Variants in ST6GALNAC1 observed in about 807,000 individuals in gnomAD.
ST6GALNAC1 encodes alpha-N-acetylgalactosaminide alpha-2,6-sialyltransferase 1.
A neutral mutation model predicts 56.8 loss-of-function variants in ST6GALNAC1; 45 were observed. The ratio of observed to expected loss-of-function variants is 0.79; its 90% CI spans 0.62 to 1.02. The LOEUF (loss-of-function observed/expected upper bound fraction) is 1.02. Ranked by LOEUF, ST6GALNAC1 falls within the 50% of genes least tolerant of loss-of-function variation. ST6GALNAC1 has a pLI of 0.00. For missense variants in ST6GALNAC1, 743 were observed against 754.8 expected (o/e 0.98, Z 0.18); for synonymous variants, 295 against 297.8 (o/e 0.99, Z 0.10).
At chr17:76,637,747 G>A (rs995936190) in intron 1 of ST6GALNAC1, 4 of 398,838 alleles carry the variant, frequency 1.0e-5, no homozygotes, top group Non-Finnish European at 1.8e-5. Context: ...CTGCAGAGGG[G>A]CAAGAAGAGC....
At chr17:76,624,189 C>T (rs1387999377), downstream of ST6GALNAC1, among the ~76,000 whole-genome samples, 3 of 152,206 alleles carry the variant, frequency 2.0e-5, no homozygotes, top group African/African-American at 4.8e-5. Context: ...CTCCCTTCCA[C>T]TCTCCTACCG....
intron 1 of ST6GALNAC1, chr17:76,641,860 G>A (rs559785952): frequency 1.4e-4 from 22 of 152,138 alleles, no homozygotes; most frequent in Admixed American, 7.2e-4. Context: ...TGTATGTCCC[G>A]ACATGGAAAG....
the ST6GALNAC1 span, among the ~76,000 whole-genome samples, chr17:76,619,740 G>GTTTTTTTTTTTTTTTTTTTTTTTT: frequency 3.9e-5 from 4 of 101,586 alleles, no homozygotes; most frequent in African/African-American, 1.6e-4. Flanking sequence ...AATAATGTTA[G>GTTTTTTTTTTTTTTTTTTTTTTTT]TTTTTTTTTT....
chr17:76,632,111 C>G (rs142536522), intron 1 of ST6GALNAC1, among the ~76,000 whole-genome samples: 2 of 152,172 alleles, frequency 1.3e-5, no homozygotes, highest in South Asian at 2.1e-4. Context: ...GTTTAACAAA[C>G]AGCTCTTGTT....
intron 1 of ST6GALNAC1, chr17:76,633,725 C>G (rs2075939758): frequency 6.6e-6 from 1 of 152,182 alleles, no homozygotes. Flanking sequence ...AGTCTCCTGC[C>G]TTGGCCTCCT....
intron 1 of ST6GALNAC1, chr17:76,641,780 A>G (rs1007679198): frequency 2.0e-5 from 3 of 152,208 alleles, no homozygotes; most frequent in African/African-American, 7.2e-5. Flanking sequence ...GAAACTTGAT[A>G]GGGGTTGGTT....
intron 1 of ST6GALNAC1, among the ~76,000 whole-genome samples, chr17:76,636,305 C>A (rs1469042457): frequency 2.0e-5 from 3 of 152,082 alleles, no homozygotes; most frequent in Non-Finnish European, 4.4e-5. Context: ...TGAAACAGAT[C>A]AATCTTGGAG....
rs780085500 is a variant in ST6GALNAC1, at chr17:76,627,372, G to A, written c.1000+43C>T. The A allele has an allele frequency of 9.5e-6, 15 of 1,572,824 alleles. No individual in the cohort carries two copies. Among genetic ancestry groups the A allele is most frequent in the East Asian group, 4.5e-5 (2 of 44,842 alleles). ...CCAGCTGCCCTCTGCCCTCTGCCCC[G>A]GCCTACTGCGCACCCACACCTTCCC... On this transcript the variant is annotated intron_variant, in intron 3 of 8. Coordinates refer to ENST00000156626, the MANE Select transcript of ST6GALNAC1 (RefSeq NM_018414.5). The surrounding 1 kb of genome is among the most constrained non-coding windows in gnomAD (Gnocchi z 4.4).
At chr17:76,639,879 T>C (rs1222414043) in intron 1 of ST6GALNAC1, among the ~76,000 whole-genome samples, 1 of 151,900 alleles carries the variant, frequency 6.6e-6, no homozygotes, top group East Asian at 1.9e-4. Flanking sequence ...AACTCCTCTT[T>C]TTTCAAGTCG....
intron 1 of ST6GALNAC1, among the ~76,000 whole-genome samples, chr17:76,632,946 C>A (rs2075925041): frequency 6.6e-6 from 1 of 152,216 alleles, no homozygotes. Flanking sequence ...TGGCTCATGC[C>A]TATAGAGCCA....
At chr17:76,623,926 C>T (rs1467730418), downstream of ST6GALNAC1, among the ~76,000 whole-genome samples, 1 of 152,246 alleles carries the variant, frequency 6.6e-6, no homozygotes, top group East Asian at 1.9e-4. Context: ...CTCTCCTGCT[C>T]TGACCTGATG....
At chr17:76,618,956 TTTTC>T in the ST6GALNAC1 span, among the ~76,000 whole-genome samples, 1 of 151,954 alleles carries the variant, frequency 6.6e-6, no homozygotes, top group Non-Finnish European at 1.5e-5. Context: ...AAGAAAAAGA[TTTTC>T]TTTCTTATGT....
chr17:76,643,149 G>A (rs1168804880), intron 1 of ST6GALNAC1, among the ~76,000 whole-genome samples: 4 of 152,174 alleles, frequency 2.6e-5, no homozygotes, highest in African/African-American at 9.7e-5. Flanking sequence ...GTAGAGAATG[G>A]CATGTAAGAA....
intron 2 of ST6GALNAC1, 93 bp downstream of exon 2, chr17:76,628,919 G>T: frequency 8.5e-7 from 1 of 1,169,768 alleles, no homozygotes; most frequent in Non-Finnish European, 1.2e-6. Flanking sequence ...TAGAAGCAGA[G>T]CCCAGGAGGT....
chr17:76,622,605 G>A (rs905634540), downstream of ST6GALNAC1, among the ~76,000 whole-genome samples: 2 of 151,708 alleles, frequency 1.3e-5, no homozygotes, highest in Non-Finnish European at 2.9e-5. Context: ...CCTCATGATC[G>A]GCCCACCTTG....
chr17:76,621,533 T>C (rs1000541746), downstream of ST6GALNAC1, among the ~76,000 whole-genome samples: 3 of 151,930 alleles, frequency 2.0e-5, no homozygotes, highest in African/African-American at 4.8e-5. Flanking sequence ...TAGAGTGCAG[T>C]GGCATGATCT....
intron 5 of ST6GALNAC1, 46 bp downstream of exon 5, chr17:76,626,605 C>G (rs766066705): frequency 1.9e-6 from 3 of 1,612,810 alleles, no homozygotes. Flanking sequence ...CCTGTGCTCC[C>G]TCATCCAGAG....
intron 1 of ST6GALNAC1, among the ~76,000 whole-genome samples, chr17:76,641,116 A>C (rs1405938871): frequency 6.6e-6 from 1 of 152,190 alleles, no homozygotes; most frequent in African/African-American, 2.4e-5. Context: ...TTTTTCCTTG[A>C]AAAGTAAGAA....
downstream of ST6GALNAC1, among the ~76,000 whole-genome samples, chr17:76,621,203 A>AGATGGAG (rs2075737391): frequency 1.4e-4 from 2 of 14,294 alleles, no homozygotes; most frequent in Non-Finnish European, 3.6e-4. Flanking sequence ...TTTTTTTTTG[A>AGATGGAG]GATGGAGTCT....
Sources: allele counts gnomAD v4.1 joint callset (sites outside exome capture counted in the v4.1 genomes callset), GRCh38; gene constraint gnomAD v4.1.1; non-coding constraint Gnocchi (gnomAD v3.1); transcripts MANE v1.5; gene names NCBI Gene and HGNC (gene_info 2026-07-23, HGNC 2026-07-21).